The following PTGER3 variants were observed in gnomAD, a reference collection of about 807,000 sequenced individuals.
The protein encoded by PTGER3 is prostaglandin E receptor 3.
A neutral mutation model predicts 34.7 loss-of-function variants in PTGER3; 22 were observed. The ratio of observed to expected loss-of-function variants is 0.63; its 90% CI spans 0.45 to 0.91. The LOEUF is 0.91. PTGER3 is among the 40% of genes least tolerant of loss of function. PTGER3 has a pLI of 0.00. For synonymous variants in PTGER3, 241 were observed against 230.1 expected (o/e 1.05, Z -0.43); for missense variants, 468 against 519.4 (o/e 0.90, Z 0.96).
At chr1:70,977,723 T>C (rs978783680) in intron 2 of PTGER3, among the ~76,000 whole-genome samples, 3 of 152,124 alleles carry the variant, frequency 2.0e-5, no homozygotes, top group African/African-American at 7.2e-5. Context: ...CACCGGCTCC[T>C]TTCCATCCAC....
intron 2 of PTGER3, chr1:71,009,566 C>G: frequency 1.0e-6 from 1 of 985,016 alleles, no homozygotes; most frequent in Non-Finnish European, 1.2e-6. Context: ...CTCTGTGACT[C>G]AGCATAGTAT....
intron 1 of PTGER3, among the ~76,000 whole-genome samples, chr1:71,014,371 C>T (rs1185108007): frequency 1.3e-4 from 20 of 152,176 alleles, no homozygotes; most frequent in Admixed American, 1.3e-3. Flanking sequence ...TCTGCAATGC[C>T]TTTTGCTCTT....
chr1:70,935,608 T>C lies in PTGER3; in HGVS notation c.*23+18155A>G, dbSNP rs1480736203. Among the ~76,000 whole-genome samples, 3 of 151,082 alleles carry C rather than the reference T, an allele frequency of 2.0e-5. No homozygotes were observed. The East Asian group carries it at 5.8e-4, about 29-fold the overall frequency. On this transcript the variant is annotated intron_variant, in intron 4 of 4. Transcript: ENST00000370931. The stretch of plus-strand genomic sequence containing the variant: ...TTTTACTTAACAAATATTTTACAAA[T>C]AATTGGGATACTTTGAAAATACTTC...
intron 2 of PTGER3, among the ~76,000 whole-genome samples, chr1:70,957,712 T>A (rs1651487954): frequency 6.6e-6 from 1 of 152,202 alleles, no homozygotes; most frequent in South Asian, 2.1e-4. Flanking sequence ...CTTCAAAATC[T>A]TCTCTTCTAG....
chr1:70,915,130 A>G (rs1354341587), intron 4 of PTGER3, among the ~76,000 whole-genome samples: 1 of 151,896 alleles, frequency 6.6e-6, no homozygotes, highest in Non-Finnish European at 1.5e-5. Flanking sequence ...ATAAAAGTAC[A>G]TTGTAATCTG....
Position 70,956,773 on chromosome 1 carries a change from G to C in PTGER3, c.1078-2984C>G, listed in dbSNP as rs138227385. On this transcript the variant is annotated intron_variant, in intron 2 of 3. Transcript: ENST00000356595. ...AATCCTGACACTTTGGGAAGCGGAA[G>C]TGGGCAGATCACTTGAGGCCAGGGG... Among the ~76,000 whole-genome samples the C allele has an allele frequency of 5.3e-3, 804 of 152,250 alleles. 8 individuals carry two copies. The highest frequency in any genetic ancestry group is 0.018 in the African/African-American group (754 of 41,526).
downstream of PTGER3, among the ~76,000 whole-genome samples, chr1:70,952,155 T>G (rs1009634882): frequency 6.6e-6 from 1 of 151,738 alleles, no homozygotes; most frequent in Non-Finnish European, 1.5e-5. Context: ...GAATTAGGAG[T>G]TTTAGAGATG....
chr1:70,957,142 G>T (rs1332514532), intron 2 of PTGER3, among the ~76,000 whole-genome samples: 4 of 152,112 alleles, frequency 2.6e-5, no homozygotes. Flanking sequence ...CTCTGTTTTC[G>T]GTAATAACAT....
At chr1:70,895,906 C>A (rs540524238) in intron 4 of PTGER3, among the ~76,000 whole-genome samples, 2 of 152,154 alleles carry the variant, frequency 1.3e-5, no homozygotes, top group Admixed American at 6.5e-5. Flanking sequence ...TTTCACAGAT[C>A]CCTAGTGGTT....
At chr1:70,917,403 T>G (rs956448979) in intron 4 of PTGER3, among the ~76,000 whole-genome samples, 21 of 136,278 alleles carry the variant, frequency 1.5e-4, no homozygotes, top group Non-Finnish European at 1.4e-4. Flanking sequence ...GTATTTTATT[T>G]TGTGTGTGTG....
chr1:71,015,303 A>G (rs546385782), intron 1 of PTGER3, among the ~76,000 whole-genome samples: 67 of 152,276 alleles, frequency 4.4e-4, no homozygotes, highest in African/African-American at 1.6e-3. Context: ...ACTTGGACGT[A>G]TGGGGGAAGA....
At chr1:70,965,992 T>C (rs1283680540), downstream of PTGER3, among the ~76,000 whole-genome samples, 3 of 152,214 alleles carry the variant, frequency 2.0e-5, no homozygotes, top group African/African-American at 7.2e-5. Flanking sequence ...GTTAAACCAA[T>C]AAACTGATTA....
At chr1:70,919,313 T>G (rs1425087415) in intron 4 of PTGER3, among the ~76,000 whole-genome samples, 1 of 152,142 alleles carries the variant, frequency 6.6e-6, no homozygotes, top group Non-Finnish European at 1.5e-5. Context: ...TCTGTATATT[T>G]AGATGGAGGT....
intron 2 of PTGER3, among the ~76,000 whole-genome samples, chr1:70,996,498 C>T (rs1248040661): frequency 3.3e-5 from 5 of 151,834 alleles, no homozygotes; most frequent in Admixed American, 3.3e-4. Context: ...AAGGAGTCTC[C>T]CTCTGTCACC....
At chr1:70,993,261 C>T (rs1231773223) in intron 2 of PTGER3, among the ~76,000 whole-genome samples, 1 of 152,170 alleles carries the variant, frequency 6.6e-6, no homozygotes, top group Non-Finnish European at 1.5e-5. Flanking sequence ...CAGATGGTGT[C>T]CTTGTTAAAG....
At chr1:70,957,300 T>C (rs1016718768) in intron 2 of PTGER3, among the ~76,000 whole-genome samples, 4 of 152,216 alleles carry the variant, frequency 2.6e-5, no homozygotes, top group Non-Finnish European at 4.4e-5. Context: ...GAAATCTGAC[T>C]ATTCAAAGCA....
chr1:70,919,644 C>A (rs907151324), intron 4 of PTGER3, among the ~76,000 whole-genome samples: 1 of 152,090 alleles, frequency 6.6e-6, no homozygotes, highest in African/African-American at 2.4e-5. Context: ...CATTTGTAAT[C>A]TCTGCTTCTC....
intron 2 of PTGER3, among the ~76,000 whole-genome samples, chr1:70,957,322 C>A (rs1384746830): frequency 6.6e-6 from 1 of 152,138 alleles, no homozygotes; most frequent in Non-Finnish European, 1.5e-5. Context: ...TGAAGTCAAC[C>A]TGAGTTGATA....
At chr1:70,962,039 T>C (rs901139615) in intron 2 of PTGER3, among the ~76,000 whole-genome samples, 2 of 152,176 alleles carry the variant, frequency 1.3e-5, no homozygotes, top group Non-Finnish European at 2.9e-5. Context: ...GCTCTAATTT[T>C]TGCAGCAGCA....
Sources: allele counts gnomAD v4.1 joint callset (sites outside exome capture counted in the v4.1 genomes callset), GRCh38; gene constraint gnomAD v4.1.1; transcripts MANE v1.5; gene names NCBI Gene and HGNC (gene_info 2026-07-23, HGNC 2026-07-21).